SPICE1: variants seen among roughly 807,000 people sequenced by gnomAD.
SPICE1 encodes the protein spindle and centriole associated protein 1, also known as spindle and centriole-associated protein 1.
A neutral mutation model predicts 102.7 loss-of-function variants in SPICE1; 75 were observed. The ratio of observed to expected loss-of-function variants is 0.73; its 90% CI spans 0.61 to 0.88. The LOEUF is 0.88. Ranked by LOEUF, SPICE1 falls within the 40% of genes least tolerant of loss-of-function variation. The probability of loss-of-function intolerance (pLI) is 0.00; values close to 1 mark genes in which losing one functional copy is unlikely to be tolerated. For missense variants in SPICE1, 979 were observed against 1,020.1 expected (o/e 0.96, Z 0.55); for synonymous variants, 308 against 350.3 (o/e 0.88, Z 1.35).
chr3:113,502,384 G>C (rs1198159598), intron 3 of SPICE1, among the ~76,000 whole-genome samples: 3 of 152,116 alleles, frequency 2.0e-5, no homozygotes, highest in Non-Finnish European at 4.4e-5. Flanking sequence ...AAAGAAGCTA[G>C]ACACAAAAGG....
At chr3:113,468,093 T>C (rs557201033) in intron 10 of SPICE1, 46 bp downstream of exon 10, 12 of 1,563,516 alleles carry the variant, frequency 7.7e-6, no homozygotes, top group South Asian at 4.8e-5. Context: ...AAAAAACTCA[T>C]GCATTTCTGC....
chr3:113,513,550 A>G (rs999591981), intron 1 of SPICE1, among the ~76,000 whole-genome samples: 6 of 152,236 alleles, frequency 3.9e-5, no homozygotes, highest in African/African-American at 1.4e-4. Flanking sequence ...ACTTGCTGAT[A>G]TATAACTGGT....
chr3:113,450,351 G>C lies in SPICE1; in HGVS notation c.2308C>G (p.Leu770Val), dbSNP rs1448564590. Reference sequence around the variant, plus strand: ...TGTGACCAACCAGTCCATGCTCTGAGAGGTAACTGAACAGGTGACATTGGT... The same window carrying C: ...TGTGACCAACCAGTCCATGCTCTGACAGGTAACTGAACAGGTGACATTGGT... ...SPPMSPVQLP[L>V]RAWTEGAKRT... Residue 770 changes from leucine (L) to valine (V), a missense_variant, in exon 15 of 18, where the codon CTC becomes GTC. Coordinates refer to ENST00000295872, the MANE Select transcript of SPICE1 (RefSeq NM_144718.4). The C allele has an allele frequency of 6.2e-7, 1 of 1,614,076 alleles. No individual in the cohort carries two copies. Among genetic ancestry groups the C allele is most frequent in the African/African-American group, 1.3e-5 (1 of 74,996 alleles).
chr3:113,495,776 A>T (rs1171785719), intron 4 of SPICE1, among the ~76,000 whole-genome samples: 1 of 152,238 alleles, frequency 6.6e-6, no homozygotes, highest in Admixed American at 6.5e-5. Flanking sequence ...TATACCAGAA[A>T]AATTACACAA....
chr3:113,502,246 T>TGCACCTGTAGTCCC (rs1282953793), intron 3 of SPICE1, among the ~76,000 whole-genome samples: 1 of 152,100 alleles, frequency 6.6e-6, no homozygotes, highest in Non-Finnish European at 1.5e-5. Flanking sequence ...CGTGGTGGCA[T>TGCACCTGTAGTCCC]GCACCTGTAG....
chr3:113,470,319 G>T (rs1275490292), intron 7 of SPICE1, among the ~76,000 whole-genome samples: 2 of 152,178 alleles, frequency 1.3e-5, no homozygotes, highest in Non-Finnish European at 2.9e-5. Context: ...GGAGAGAAGG[G>T]CAAGAGTGTG....
intron 7 of SPICE1, among the ~76,000 whole-genome samples, chr3:113,469,927 TG>T (rs1467008113): frequency 2.0e-5 from 3 of 152,228 alleles, no homozygotes. Context: ...AGCCAGTCTC[TG>T]CTCATCAATG....
At chr3:113,480,725 A>C (rs1261330493) in intron 7 of SPICE1, among the ~76,000 whole-genome samples, 7 of 152,024 alleles carry the variant, frequency 4.6e-5, no homozygotes, top group Non-Finnish European at 7.4e-5. Flanking sequence ...TTGTTTAAAA[A>C]AAAATGTATC....
intron 16 of SPICE1, 55 bp from the exon 17 acceptor site, chr3:113,446,731 A>G (rs1446525459): frequency 1.4e-6 from 2 of 1,384,474 alleles, no homozygotes; most frequent in African/African-American, 1.4e-5. Flanking sequence ...ATTAACCTTA[A>G]AAGATTATGC....
chr3:113,472,841 C>G (rs1249553400), intron 7 of SPICE1, among the ~76,000 whole-genome samples: 1 of 152,154 alleles, frequency 6.6e-6, no homozygotes, highest in Non-Finnish European at 1.5e-5. Context: ...GGGGAAGAAA[C>G]AGAGCAGAAA....
intron 16 of SPICE1, 30 bp from the exon 17 acceptor site, chr3:113,446,706 GAGTGAGC>G (rs1189863327): frequency 6.6e-7 from 1 of 1,521,098 alleles, no homozygotes. Flanking sequence ...CAGAGTAAGA[GAGTGAGC>G]TATCATTATT....
Position 113,460,606 on chromosome 3 carries a change from A to G in SPICE1, c.1435+11T>C. The G allele has an allele frequency of 6.3e-7, 1 of 1,597,890 alleles. No individual in the cohort carries two copies. The highest frequency in any genetic ancestry group is 8.5e-7 in the Non-Finnish European group (1 of 1,174,298). On this transcript the variant is annotated intron_variant, in intron 12 of 17. Transcript: ENST00000295872. ...TCTAATGACAGTCTGAGAGAGTAAG[A>G]CCACACTCACCTGGACTGTCCATAA...
chr3:113,474,062 C>G (rs529675899), intron 7 of SPICE1, among the ~76,000 whole-genome samples: 5 of 151,964 alleles, frequency 3.3e-5, no homozygotes, highest in African/African-American at 1.2e-4. Flanking sequence ...CAGAGACACA[C>G]ATAGGCTCAA....
At chr3:113,487,616 G>C (rs1406215930) in intron 7 of SPICE1, among the ~76,000 whole-genome samples, 1 of 152,102 alleles carries the variant, frequency 6.6e-6, no homozygotes, top group Admixed American at 6.6e-5. Context: ...GCTATGTTGT[G>C]CCAGAAATTA....
chr3:113,469,092 A>G lies in SPICE1; in HGVS notation c.751+7T>C. 1 of 1,609,406 alleles carries G rather than the reference A, an allele frequency of 6.2e-7. No individual in the cohort carries two copies. Among genetic ancestry groups the G allele is most frequent in the South Asian group, 1.1e-5 (1 of 90,330 alleles). On this transcript the variant is annotated splice_region_variant and intron_variant, in intron 8 of 17. Transcript: ENST00000295872. Reference sequence around the variant, plus strand: ...GCACCTAGAAATAATGCAAAAGGGAAACAAACCTCTTTGCTCCCCTGATGA... The same window carrying G: ...GCACCTAGAAATAATGCAAAAGGGAGACAAACCTCTTTGCTCCCCTGATGA...
intron 1 of SPICE1, among the ~76,000 whole-genome samples, chr3:113,510,485 G>A (rs1477889404): frequency 1.3e-5 from 2 of 152,104 alleles, no homozygotes; most frequent in Non-Finnish European, 2.9e-5. Context: ...ACAACCATCT[G>A]ATCATCAACA....
At chr3:113,468,958 T>G in intron 8 of SPICE1, 59 bp from the exon 9 acceptor site, 1 of 1,575,536 alleles carries the variant, frequency 6.3e-7, no homozygotes, top group Non-Finnish European at 8.6e-7. Context: ...AAGAAAGTAT[T>G]TCAATTGACA....
Position 113,467,893 on chromosome 3 carries a change from CCCT to C in SPICE1, c.1155+243_1155+245del, listed in dbSNP as rs376595401. 8.9e-3 allele frequency among the ~76,000 whole-genome samples: 1,251 copies of C among 140,728 alleles called. 21 individuals carry two copies. The highest frequency in any genetic ancestry group is 0.029 in the African/African-American group (1,190 of 41,256). The allele number at this position is 140,728 out of a possible 152,430, so 92.3% of individuals were successfully genotyped here. On this transcript the variant is annotated intron_variant, in intron 10 of 17. Coordinates refer to ENST00000295872, the MANE Select transcript of SPICE1 (RefSeq NM_144718.4). ...TATAATTATATTAATGGCAGATTTA[CCCT>C]ACTAATTATAATTTGCTAAAGCTCT...
intron 7 of SPICE1, among the ~76,000 whole-genome samples, chr3:113,482,921 G>T (rs1936547434): frequency 6.6e-6 from 1 of 152,168 alleles, no homozygotes; most frequent in African/African-American, 2.4e-5. Context: ...GTTTAAAGTA[G>T]TTTTTTCTAA....
Sources: allele counts gnomAD v4.1 joint callset (sites outside exome capture counted in the v4.1 genomes callset), GRCh38; gene constraint gnomAD v4.1.1; transcripts MANE v1.5; gene names NCBI Gene and HGNC (gene_info 2026-07-23, HGNC 2026-07-21).